The following SPIDR variants were observed in gnomAD, a reference collection of about 807,000 sequenced individuals.
SPIDR encodes the protein DNA repair-scaffolding protein.
Under a neutral mutation model 104.6 loss-of-function variants are expected in SPIDR, and 93 were observed. That is an observed-to-expected ratio of 0.89 (90% CI 0.75 to 1.06). The LOEUF is 1.06. Among genes scored for constraint, SPIDR ranks in the 50% least tolerant of loss-of-function variants. The pLI is 0.00. For synonymous variants in SPIDR, 431 were observed against 416.9 expected (o/e 1.03, Z -0.41); for missense variants, 1,154 against 1,111.2 (o/e 1.04, Z -0.55).
intron 10 of SPIDR, among the ~76,000 whole-genome samples, chr8:47,635,803 G>C (rs2067827687): frequency 6.6e-6 from 1 of 152,202 alleles, no homozygotes; most frequent in Non-Finnish European, 1.5e-5. Context: ...CCTCTGGGAG[G>C]AAGGAGAAAG....
In SPIDR at chr8:47,595,943, A is replaced by C. The variant is rs774477778; in HGVS notation, c.1230A>C (p.Arg410Ser). The change falls in exon 9 of 20, where the codon AGA (arginine) becomes AGC (serine). Residue 410 changes from arginine to serine, a missense_variant. By Grantham distance (110) the Arg-to-Ser change is moderately radical (BLOSUM62 -1). Transcript: ENST00000297423. ...VYCPDIPLPR[R>S]SISLAQMFVI... ...GTCCGGACATACCCCTTCCAAGAAG[A>C]AGCATCTCTTTGGCCCAGATGTTTG... is the stretch of plus-strand genomic sequence containing the variant. 6 of 1,614,060 alleles carry C rather than the reference A, an allele frequency of 3.7e-6. No individual in the cohort carries two copies. Among genetic ancestry groups the C allele is most frequent in the East Asian group, 2.2e-5 (1 of 44,886 alleles).
chr8:47,688,016 AGTGTGTGTGT>A (rs141582845), intron 11 of SPIDR, among the ~76,000 whole-genome samples: 17 of 145,762 alleles, frequency 1.2e-4, no homozygotes, highest in Middle Eastern at 3.6e-3. Context: ...AAAAAAAAAA[AGTGTGTGTGT>A]GTGTGTGTGT....
chr8:47,603,459 T>A (rs1416956295), intron 10 of SPIDR, among the ~76,000 whole-genome samples: 2 of 152,100 alleles, frequency 1.3e-5, no homozygotes, highest in African/African-American at 4.8e-5. Context: ...AGTGGAGCAA[T>A]CATGGCTTAC....
At chr8:47,537,155 AC>A (rs2087057536) in intron 8 of SPIDR, among the ~76,000 whole-genome samples, 1 of 152,240 alleles carries the variant, frequency 6.6e-6, no homozygotes, top group African/African-American at 2.4e-5. Flanking sequence ...GCACTTCAGC[AC>A]TTTGTTACAA....
At chr8:47,425,586 A>T (rs1190637716) in intron 7 of SPIDR, among the ~76,000 whole-genome samples, 1 of 152,178 alleles carries the variant, frequency 6.6e-6, no homozygotes, top group Non-Finnish European at 1.5e-5. Context: ...AAGTTTTGCT[A>T]TCTATTTGTT....
chr8:47,510,537 G>A (rs1383903778), intron 8 of SPIDR, among the ~76,000 whole-genome samples: 4 of 151,582 alleles, frequency 2.6e-5, no homozygotes, highest in Non-Finnish European at 2.9e-5. Context: ...GTTTCATAAA[G>A]TATGAAAGAT....
At chr8:47,421,834 G>A (rs1588499924) in intron 7 of SPIDR, among the ~76,000 whole-genome samples, 1 of 152,352 alleles carries the variant, frequency 6.6e-6, no homozygotes, top group East Asian at 1.9e-4. Context: ...CTAACAGTCA[G>A]GACCCTCAGC....
At chr8:47,654,088 A>C (rs2072222389) in intron 10 of SPIDR, 2 of 1,289,850 alleles carry the variant, frequency 1.6e-6, no homozygotes, top group Non-Finnish European at 2.0e-6. Context: ...CTTAGGCCCC[A>C]CCATGTGTGT....
intron 5 of SPIDR, among the ~76,000 whole-genome samples, chr8:47,329,341 G>A (rs1554602962): frequency 2.0e-5 from 3 of 152,154 alleles, no homozygotes; most frequent in South Asian, 2.1e-4. Flanking sequence ...AAAGTGCTGG[G>A]ATTACAGGCG....
At chr8:47,663,628 T>C (rs960109303) in intron 10 of SPIDR, among the ~76,000 whole-genome samples, 2 of 152,240 alleles carry the variant, frequency 1.3e-5, no homozygotes, top group African/African-American at 4.8e-5. Flanking sequence ...GCTTGGCAAT[T>C]TTGTACTTGG....
intron 8 of SPIDR, among the ~76,000 whole-genome samples, chr8:47,508,471 C>T (rs190316202): frequency 3.6e-4 from 55 of 152,300 alleles, no homozygotes; most frequent in Non-Finnish European, 6.3e-4. Flanking sequence ...CAGGGCTGCA[C>T]ACACAAAAAG....
chr8:47,319,171 C>T (rs904071428), intron 5 of SPIDR, among the ~76,000 whole-genome samples: 1 of 152,118 alleles, frequency 6.6e-6, no homozygotes, highest in South Asian at 2.1e-4. Flanking sequence ...AGAGTCAAGA[C>T]CCATCAGTGT....
chr8:47,382,636 C>T (rs782432893), intron 5 of SPIDR, among the ~76,000 whole-genome samples: 1 of 152,178 alleles, frequency 6.6e-6, no homozygotes, highest in African/African-American at 2.4e-5. Context: ...TGGTCTCGAT[C>T]TCTTGACTTC....
At chr8:47,374,093 T>C (rs1404082851) in intron 5 of SPIDR, among the ~76,000 whole-genome samples, 1 of 152,238 alleles carries the variant, frequency 6.6e-6, no homozygotes, top group African/African-American at 2.4e-5. Context: ...CTTATTCATC[T>C]GGAAAATTTA....
chr8:47,380,667 C>T (rs1230472243), intron 5 of SPIDR, among the ~76,000 whole-genome samples: 1 of 152,122 alleles, frequency 6.6e-6, no homozygotes, highest in African/African-American at 2.4e-5. Context: ...TAAGTTCTCT[C>T]CTTCTCACTG....
At chr8:47,708,139 A>G (rs1413010213) in intron 14 of SPIDR, among the ~76,000 whole-genome samples, 1 of 152,186 alleles carries the variant, frequency 6.6e-6, no homozygotes, top group Non-Finnish European at 1.5e-5. Flanking sequence ...GTCTCTACAA[A>G]AATACAAAAA....
chr8:47,391,944 C>T (rs1554652413), intron 5 of SPIDR, among the ~76,000 whole-genome samples: 1 of 143,584 alleles, frequency 7.0e-6, no homozygotes, highest in African/African-American at 2.6e-5. Flanking sequence ...TGCAGTGAGC[C>T]GAGATTGCGC....
At chr8:47,427,988 T>A (rs2066714379) in intron 7 of SPIDR, among the ~76,000 whole-genome samples, 1 of 152,232 alleles carries the variant, frequency 6.6e-6, no homozygotes, top group Non-Finnish European at 1.5e-5. Context: ...AGTGGCACAA[T>A]CTCAGCTCAC....
chr8:47,487,210 C>T (rs1361301400), intron 8 of SPIDR, among the ~76,000 whole-genome samples: 2 of 152,008 alleles, frequency 1.3e-5, no homozygotes. Flanking sequence ...CAATCCTAGT[C>T]TCTCATGAAA....
Sources: allele counts gnomAD v4.1 joint callset (sites outside exome capture counted in the v4.1 genomes callset), GRCh38; gene constraint gnomAD v4.1.1; transcripts MANE v1.5; gene names NCBI Gene and HGNC (gene_info 2026-07-23, HGNC 2026-07-21).